NHSL2: variants seen among roughly 807,000 people sequenced by gnomAD.
NHSL2 encodes the protein NHS like 2, also known as NHS-like protein 2.
A neutral mutation model predicts 53.4 loss-of-function variants in NHSL2; 27 were observed. The observed-to-expected ratio is 0.51, with a 90% CI of 0.37 to 0.70. The LOEUF (loss-of-function observed/expected upper bound fraction) is 0.70, where lower values mean the gene tolerates loss of function less well. Ranked by LOEUF, NHSL2 falls within the 30% of genes least tolerant of loss-of-function variation. The pLI is 0.00. For missense variants in NHSL2, 892 were observed against 980.1 expected, an observed-to-expected ratio of 0.91 and a Z score of 1.20; for synonymous variants, 408 against 404.1, an observed-to-expected ratio of 1.01 and a Z score of -0.12.
intron 1 of NHSL2, among the ~76,000 whole-genome samples, chrX:72,001,712 C>T (rs1245493082): frequency 8.9e-6 from 1 of 111,889 alleles, no homozygotes; most frequent in Non-Finnish European, 1.9e-5. Flanking sequence ...ATTCTTGTCT[C>T]TACCTTCAGT....
intron 1 of NHSL2, among the ~76,000 whole-genome samples, chrX:72,016,308 G>C (rs1261094071): frequency 8.9e-6 from 1 of 112,008 alleles, no homozygotes; most frequent in Non-Finnish European, 1.9e-5. Flanking sequence ...GTTGGCTTGA[G>C]AGCTCTCTGT....
At chrX:72,086,247 C>A (rs911856775) in intron 1 of NHSL2, among the ~76,000 whole-genome samples, 17 of 112,350 alleles carry the variant, frequency 1.5e-4, no homozygotes, top group African/African-American at 5.5e-4. Context: ...TAAAAATTTC[C>A]TTTCTCTTTG....
intron 1 of NHSL2, among the ~76,000 whole-genome samples, chrX:72,124,460 A>G (rs1474929423): frequency 9.0e-6 from 1 of 111,415 alleles, no homozygotes; most frequent in African/African-American, 3.3e-5. Flanking sequence ...TTCTTGCTCC[A>G]GGGAGCTCTA....
chrX:72,144,771 G>A lies in NHSL2; in HGVS notation c.*1197G>A, dbSNP rs2042451319. 1 of 208,020 alleles carries A rather than the reference G, an allele frequency of 4.8e-6. No individual in the cohort carries two copies. Among genetic ancestry groups the A allele is most frequent in the South Asian group, 6.4e-5 (1 of 15,564 alleles). 17.1% of individuals were successfully genotyped at this position (208,020 alleles called of 1,213,427 possible). A position where few individuals can be genotyped will look rare whatever the true frequency, so the allele number is the denominator to read the frequency against. On this transcript the variant is annotated 3_prime_UTR_variant, in exon 8 of 8. Transcript: ENST00000633930. ...AAAAGGGCTACTTTTTGCCATTTAG[G>A]TTCTGTGTTTGACCAGCTTTCAATT...
At chrX:72,133,251 G>A (rs1019254298) in intron 2 of NHSL2, among the ~76,000 whole-genome samples, 4 of 112,019 alleles carry the variant, frequency 3.6e-5, no homozygotes, top group Non-Finnish European at 7.5e-5. Context: ...CCCCTTCCCT[G>A]CAGGTGTGTG....
Position 72,139,094 on chromosome X carries a change from C to G in NHSL2, c.1546C>G (p.Gln516Glu), listed in dbSNP as rs1321689089. Residue 516 changes from glutamine to glutamate, a missense_variant, in exon 6 of 8, where the codon CAG becomes GAG. Transcript: ENST00000633930. ...CACAGATGTGGACTATGATGAGGAG[C>G]AGAAGGCCAATGAGGCCTGTGCCCT... ...GTTDVDYDEEQKANEACALPF... is the reference protein window; with the variant it reads ...GTTDVDYDEEEKANEACALPF... 2 of 1,168,497 alleles carry G rather than the reference C, an allele frequency of 1.7e-6. No individual in the cohort carries two copies. The highest frequency in any genetic ancestry group is 2.3e-6 in the Non-Finnish European group (2 of 873,624).
chrX:72,074,991 A>G, intron 1 of NHSL2, among the ~76,000 whole-genome samples: 1 of 112,488 alleles, frequency 8.9e-6, no homozygotes, highest in South Asian at 3.7e-4. Flanking sequence ...CAACAATTAC[A>G]CTGGGAAATC....
intron 1 of NHSL2, among the ~76,000 whole-genome samples, chrX:72,033,475 G>T (rs28817313): frequency 0.037 from 4,184 of 111,971 alleles, 208 homozygotes; most frequent in African/African-American, 0.13. Flanking sequence ...GTGAGCCACC[G>T]TGCCCGGCCT....
chrX:71,928,972 C>T (rs2041699779), intron 1 of NHSL2, among the ~76,000 whole-genome samples: 1 of 111,581 alleles, frequency 9.0e-6, no homozygotes, highest in African/African-American at 3.3e-5. Context: ...AAGTCTTCTT[C>T]GGAACTTGAT....
rs190106516 is a variant in NHSL2, at chrX:72,019,368, G to C, written c.280+108001G>C. ...AAGGGAAGAGAAGGAGGCCAAGCCT[G>C]TGGAGACAATTGCCCTGACCATAAA... On this transcript the variant is annotated intron_variant, in intron 1 of 7. Coordinates refer to ENST00000633930, the MANE Select transcript of NHSL2 (RefSeq NM_001013627.3). Among the ~76,000 whole-genome samples the C allele has an allele frequency of 7.0e-3, 788 of 112,524 alleles. 20 individuals are homozygous for C. The highest frequency in any genetic ancestry group is 0.067 in the Admixed American group (712 of 10,673).
At chrX:72,063,461 C>T (rs760258296) in intron 1 of NHSL2, among the ~76,000 whole-genome samples, 24 of 112,172 alleles carry the variant, frequency 2.1e-4, no homozygotes, top group Non-Finnish European at 3.4e-4. Flanking sequence ...CCCATGTACA[C>T]ACTTCCAAGG....
chrX:71,941,603 A>G (rs2041766314), intron 1 of NHSL2, among the ~76,000 whole-genome samples: 1 of 112,346 alleles, frequency 8.9e-6, no homozygotes, highest in African/African-American at 3.2e-5. Flanking sequence ...AAATGAAATA[A>G]GACAGTACTA....
chrX:72,069,774 C>G, intron 1 of NHSL2: 1 of 845,982 alleles, frequency 1.2e-6, no homozygotes, highest in Non-Finnish European at 1.5e-6. Flanking sequence ...CCCTTCCCTC[C>G]TTTTCCGGGG....
At chrX:72,089,851 A>C (rs1178624827) in intron 1 of NHSL2, among the ~76,000 whole-genome samples, 1 of 107,558 alleles carries the variant, frequency 9.3e-6, no homozygotes, top group Non-Finnish European at 1.9e-5. Flanking sequence ...ATACTAACTT[A>C]TTGTACAAAA....
intron 1 of NHSL2, among the ~76,000 whole-genome samples, chrX:72,080,725 C>T (rs58333903): frequency 0.019 from 2,098 of 111,003 alleles, 50 homozygotes; most frequent in African/African-American, 0.066. Flanking sequence ...CTTTATTTGC[C>T]TCCTGGACTC....
At chrX:71,911,971 C>T (rs886921883) in intron 1 of NHSL2, among the ~76,000 whole-genome samples, 2 of 111,818 alleles carry the variant, frequency 1.8e-5, no homozygotes, top group Non-Finnish European at 3.8e-5. Context: ...TTTTGGGCCG[C>T]TGTGCTGGGG....
chrX:71,948,845 A>G (rs1198537931), intron 1 of NHSL2, among the ~76,000 whole-genome samples: 1 of 53,354 alleles, frequency 1.9e-5, no homozygotes, highest in Non-Finnish European at 4.2e-5. Context: ...AAAAAAATGT[A>G]GTTTTGTTTT....
intron 1 of NHSL2, among the ~76,000 whole-genome samples, chrX:72,119,141 A>G (rs557691485): frequency 1.5e-4 from 17 of 112,039 alleles, no homozygotes; most frequent in African/African-American, 5.2e-4. Flanking sequence ...CTATATGTCT[A>G]TCCTTATGTT....
chrX:71,938,144 A>G (rs763120504), intron 1 of NHSL2, among the ~76,000 whole-genome samples: 11 of 112,341 alleles, frequency 9.8e-5, no homozygotes, highest in Non-Finnish European at 1.9e-4. Context: ...CCACTTGCCC[A>G]CTGTGGTACA....
Sources: gnomAD v4.1 joint callset for allele counts (sites outside exome capture counted in the v4.1 genomes callset) on GRCh38, gnomAD v4.1.1 for gene constraint, MANE v1.5 for transcripts, NCBI Gene and HGNC (gene_info 2026-07-23, HGNC 2026-07-21) for gene names.